Variants in RNF180 observed in about 807,000 individuals in gnomAD.
The protein encoded by RNF180 is E3 ubiquitin-protein ligase RNF180.
RNF180 carries 38 observed loss-of-function variants against 59.2 expected under a neutral mutation model. The observed-to-expected ratio is 0.64, with a 90% CI of 0.50 to 0.84. The LOEUF (loss-of-function observed/expected upper bound fraction) is 0.84, where lower values mean the gene tolerates loss of function less well. Ranked by LOEUF, RNF180 falls within the 40% of genes least tolerant of loss-of-function variation. The probability of loss-of-function intolerance (pLI) is 0.00; values close to 1 mark genes in which losing one functional copy is unlikely to be tolerated. For missense variants in RNF180, 705 were observed against 700.9 expected (o/e 1.01, Z -0.07); for synonymous variants, 262 against 240.3 (o/e 1.09, Z -0.84).
rs150898163 is a variant in RNF180, at chr5:64,333,628, C to T, written c.1579+3222C>T. On this transcript the variant is annotated intron_variant, in intron 7 of 7. Transcript: ENST00000389100. ...TGTATTCTACCTTCTATGCTATACCCAAAGTTCTAAAAGAATGGAGTACCT... is the reference window on the plus strand; with the variant it reads ...TGTATTCTACCTTCTATGCTATACCTAAAGTTCTAAAAGAATGGAGTACCT... 2.8e-3 allele frequency among the ~76,000 whole-genome samples: 426 copies of T among 151,486 alleles called. 1 individual carries two copies. Among genetic ancestry groups the T allele is most frequent in the Non-Finnish European group, 4.6e-3 (312 of 68,024 alleles).
intron 5 of RNF180, among the ~76,000 whole-genome samples, chr5:64,251,859 A>T (rs183070467): frequency 2.0e-4 from 31 of 152,334 alleles, no homozygotes; most frequent in East Asian, 1.2e-3. Context: ...ACAGAAAAAA[A>T]TACCTAGAAA....
At chr5:64,178,202 C>CAAAAAAAAAAAA (rs67465847) in intron 1 of RNF180, among the ~76,000 whole-genome samples, 1 of 86,832 alleles carries the variant, frequency 1.2e-5, no homozygotes, top group African/African-American at 4.4e-5. Flanking sequence ...GACTCCATCT[C>CAAAAAAAAAAAA]AAAAAAAAAA....
At chr5:64,314,674 A>G (rs1186740791) in intron 5 of RNF180, among the ~76,000 whole-genome samples, 1 of 152,170 alleles carries the variant, frequency 6.6e-6, no homozygotes, top group Non-Finnish European at 1.5e-5. Flanking sequence ...ATAATAAACT[A>G]TTGCATGTTG....
chr5:64,174,313 A>C (rs1486125652), intron 1 of RNF180, among the ~76,000 whole-genome samples: 1 of 152,144 alleles, frequency 6.6e-6, no homozygotes, highest in South Asian at 2.1e-4. Context: ...TTTCCTTTGG[A>C]TATATACCCA....
chr5:64,355,663 T>A lies in RNF180; in HGVS notation c.1580-13952T>A, dbSNP rs181732635. On this transcript the variant is annotated intron_variant, in intron 7 of 7. Transcript: ENST00000389100. ...ATCAAAACTTACTACAAAGCTACAG[T>A]AATCAAAACAGTGTAGTACTGCCAT... 4.3e-3 allele frequency among the ~76,000 whole-genome samples: 650 copies of A among 152,046 alleles called. 3 individuals are homozygous for A. The highest frequency in any genetic ancestry group is 6.2e-3 in the Non-Finnish European group (418 of 67,916).
intron 1 of RNF180, among the ~76,000 whole-genome samples, chr5:64,180,173 C>T (rs1352250017): frequency 6.6e-6 from 1 of 152,106 alleles, no homozygotes; most frequent in Non-Finnish European, 1.5e-5. Context: ...TGTGGGTTGT[C>T]ATTAATTTTG....
intron 5 of RNF180, among the ~76,000 whole-genome samples, chr5:64,263,316 G>C (rs1345953557): frequency 1.3e-5 from 2 of 152,138 alleles, no homozygotes; most frequent in Non-Finnish European, 2.9e-5. Flanking sequence ...TGTAACACTT[G>C]CCGGTCTCCA....
intron 7 of RNF180, among the ~76,000 whole-genome samples, chr5:64,343,742 A>G (rs537683684): frequency 6.6e-6 from 1 of 151,920 alleles, no homozygotes; most frequent in South Asian, 2.1e-4. Context: ...TTAATGGCTT[A>G]CTGCTAACCA....
chr5:64,284,815 T>A, intron 5 of RNF180, among the ~76,000 whole-genome samples: 1 of 152,198 alleles, frequency 6.6e-6, no homozygotes, highest in Non-Finnish European at 1.5e-5. Flanking sequence ...GAATTCTGTG[T>A]CTGTCATTTC....
chr5:64,297,497 T>C (rs543162452), intron 5 of RNF180, among the ~76,000 whole-genome samples: 1 of 152,210 alleles, frequency 6.6e-6, no homozygotes, highest in East Asian at 1.9e-4. Flanking sequence ...TTTAAATTTT[T>C]AAATTTTTTC....
chr5:64,333,920 T>G (rs1745018649), intron 7 of RNF180, among the ~76,000 whole-genome samples: 1 of 152,162 alleles, frequency 6.6e-6, no homozygotes, highest in African/African-American at 2.4e-5. Flanking sequence ...CCGATTAAAG[T>G]ATCAAGCCAA....
intron 1 of RNF180, among the ~76,000 whole-genome samples, chr5:64,199,309 T>G (rs1751611723): frequency 6.6e-6 from 1 of 152,198 alleles, no homozygotes; most frequent in Non-Finnish European, 1.5e-5. Context: ...TTGATTACTG[T>G]CTGTCCATGT....
intron 5 of RNF180, among the ~76,000 whole-genome samples, chr5:64,247,587 C>T (rs1045722752): frequency 3.3e-5 from 5 of 152,170 alleles, no homozygotes; most frequent in African/African-American, 7.2e-5. Context: ...GAACTACAAA[C>T]CACTGCTCAT....
chr5:64,252,717 A>G (rs1580116431), intron 5 of RNF180, among the ~76,000 whole-genome samples: 1 of 152,144 alleles, frequency 6.6e-6, no homozygotes, highest in Non-Finnish European at 1.5e-5. Context: ...CTGTGCCTCA[A>G]AGAGATCAAG....
intron 5 of RNF180, among the ~76,000 whole-genome samples, chr5:64,288,841 G>T (rs957009607): frequency 2.6e-5 from 4 of 152,206 alleles, no homozygotes; most frequent in African/African-American, 9.6e-5. Flanking sequence ...TGCAAACAAA[G>T]ATAATTTGAC....
intron 2 of RNF180, among the ~76,000 whole-genome samples, chr5:64,205,452 A>T (rs1397093981): frequency 6.6e-6 from 1 of 152,182 alleles, no homozygotes; most frequent in Non-Finnish European, 1.5e-5. Flanking sequence ...GACCCTAAAG[A>T]TGTAGAAATA....
chr5:64,228,995 C>G (rs1444366674), intron 5 of RNF180, among the ~76,000 whole-genome samples: 1 of 145,476 alleles, frequency 6.9e-6, no homozygotes, highest in Non-Finnish European at 1.5e-5. Context: ...GATCTCGGCT[C>G]ACTGCAACTT....
intron 1 of RNF180, among the ~76,000 whole-genome samples, chr5:64,175,010 C>A (rs1750154673): frequency 6.8e-6 from 1 of 147,406 alleles, no homozygotes; most frequent in Non-Finnish European, 1.5e-5. Flanking sequence ...CTCTGTCCCC[C>A]AGGCTGGAGT....
intron 7 of RNF180, among the ~76,000 whole-genome samples, chr5:64,364,822 T>A (rs1746385937): frequency 6.6e-6 from 1 of 151,752 alleles, no homozygotes; most frequent in Non-Finnish European, 1.5e-5. Context: ...CAGGAGTTTG[T>A]CCATTTGTTG....
Sources: gnomAD v4.1 joint callset for allele counts (sites outside exome capture counted in the v4.1 genomes callset) on GRCh38, gnomAD v4.1.1 for gene constraint, MANE v1.5 for transcripts, NCBI Gene and HGNC (gene_info 2026-07-23, HGNC 2026-07-21) for gene names.